Variants in IVD observed in about 807,000 individuals in gnomAD.
IVD encodes the protein isovaleryl-CoA dehydrogenase.
Under a neutral mutation model 51.3 loss-of-function variants are expected in IVD, and 31 were observed. That is an observed-to-expected ratio of 0.60 (90% CI 0.45 to 0.81). IVD has a LOEUF of 0.81. Among genes scored for constraint, IVD ranks in the 40% least tolerant of loss-of-function variants. IVD has a pLI of 0.00. For missense variants in IVD, 475 were observed against 552.0 expected (o/e 0.86, Z 1.40); for synonymous variants, 205 against 219.4 (o/e 0.93, Z 0.58).
intron 1 of IVD, among the ~76,000 whole-genome samples, chr15:40,406,680 G>C (rs751100891): frequency 6.6e-6 from 1 of 152,176 alleles, no homozygotes; most frequent in Admixed American, 6.5e-5. Context: ...AGCAGAACCA[G>C]AGTCCTTCCT....
At position 40,416,299 on chromosome 15, in the gene IVD, G is replaced by A. The variant is rs764744741; in HGVS notation, c.1075G>A (p.Gly359Ser). The change falls in exon 11 of 12, where the codon GGT becomes AGT. Residue 359 changes from glycine (G) to serine (S), a missense_variant. By Grantham distance (56) the Gly-to-Ser change is moderately conservative. Coordinates refer to ENST00000487418, the MANE Select transcript of IVD (RefSeq NM_002225.5). ...EGHCTAKDCAGVILYSAECAT... is the reference protein window; with the variant it reads ...EGHCTAKDCASVILYSAECAT... The stretch of plus-strand genomic sequence containing the variant: ...CAGCTTCCTCCCGTAGGACTGTGCA[G>A]GTGTGATTCTTTACTCAGCTGAGTG... The A allele has an allele frequency of 2.5e-6, 4 of 1,614,254 alleles. No individual in the cohort carries two copies. Among genetic ancestry groups the A allele is most frequent in the Non-Finnish European group, 3.4e-6 (4 of 1,180,048 alleles).
intron 1 of IVD, chr15:40,406,210 A>G (rs1440348885): frequency 6.6e-7 from 1 of 1,521,484 alleles, no homozygotes; most frequent in Non-Finnish European, 8.8e-7. Context: ...GTACTGCTGG[A>G]AGTAGAGAGG....
chr15:40,435,873 C>A, downstream of IVD: 2 of 195,278 alleles, frequency 1.0e-5, no homozygotes, highest in Non-Finnish European at 1.9e-5. Context: ...AGCCCCTTGC[C>A]AGGGGCAGAC....
chr15:40,414,995 G>A lies in IVD; in HGVS notation c.878+13G>A. 1 of 1,613,350 alleles carries A rather than the reference G, an allele frequency of 6.2e-7. No homozygotes were observed. The highest frequency in any genetic ancestry group is 1.3e-5 in the African/African-American group (1 of 75,064). On this transcript the variant is annotated intron_variant, in intron 8 of 11. Coordinates refer to ENST00000487418, the MANE Select transcript of IVD (RefSeq NM_002225.5). ...GGGGGCCTCTTGGGTAAGTGTGAGA[G>A]GCTTGAGGGAAGCTGGGCTCTGTCG...
chr15:40,434,791 C>T (rs903667860), intron 8 of IVD, among the ~76,000 whole-genome samples: 2 of 152,188 alleles, frequency 1.3e-5, no homozygotes, highest in Non-Finnish European at 2.9e-5. Flanking sequence ...AGAAAAGCCC[C>T]AGGGAATCTG....
Position 40,419,088 on chromosome 15 carries a change from C to G in IVD, c.*825C>G. 1 of 1,177,914 alleles carries G rather than the reference C, an allele frequency of 8.5e-7. No homozygotes were observed. The highest frequency in any genetic ancestry group is 1.1e-6 in the Non-Finnish European group (1 of 888,962). 73.0% of individuals were successfully genotyped at this position (1,177,914 alleles called of 1,614,324 possible). On this transcript the variant is annotated 3_prime_UTR_variant, in exon 12 of 12. Coordinates refer to ENST00000487418, the MANE Select transcript of IVD (RefSeq NM_002225.5). ...GAGGCGGACGTTGCAGTGAGCCGAG[C>G]TTGTGCCATTGCACTCCAGCCTGGG...
In IVD at chr15:40,433,583, T is replaced by C. The variant is rs560525190; in HGVS notation, c.720-271T>C. On this transcript the variant is annotated intron_variant, in intron 7 of 8. Transcript: ENST00000473112. The stretch of plus-strand genomic sequence containing the variant: ...CCAAGTTGATATCTGAGCGGACAAG[T>C]GTTCTGGTAACAGTAAAGGAGGTGA... Among the ~76,000 whole-genome samples, 9 of 152,252 alleles carry C rather than the reference T, an allele frequency of 5.9e-5. No individual in the cohort carries two copies. In the East Asian group the frequency reaches 1.7e-3, roughly 29 times the overall value.
intron 11 of IVD, among the ~76,000 whole-genome samples, chr15:40,417,376 T>C (rs148359169): frequency 0.11 from 17,198 of 150,928 alleles, 1,114 homozygotes; most frequent in Non-Finnish European, 0.13. Context: ...GGTGCAGTGG[T>C]GCGCGCCTGT....
chr15:40,434,585 G>A (rs1893162023), intron 8 of IVD, among the ~76,000 whole-genome samples: 1 of 152,208 alleles, frequency 6.6e-6, no homozygotes, highest in African/African-American at 2.4e-5. Flanking sequence ...GAATGTGTGA[G>A]GAGGAGACAA....
chr15:40,432,241 G>A (rs1242745427), intron 7 of IVD, among the ~76,000 whole-genome samples: 1 of 152,196 alleles, frequency 6.6e-6, no homozygotes, highest in Non-Finnish European at 1.5e-5. Flanking sequence ...ACTGCGCCTG[G>A]CCTATCATAT....
intron 3 of IVD, among the ~76,000 whole-genome samples, chr15:40,409,961 C>T (rs533568827): frequency 3.9e-5 from 6 of 152,094 alleles, no homozygotes; most frequent in Middle Eastern, 3.4e-3. Context: ...TTCAGCCTCC[C>T]GAGTAGCTGG....
At chr15:40,428,890 T>G (rs1373935311), downstream of IVD, among the ~76,000 whole-genome samples, 1 of 152,148 alleles carries the variant, frequency 6.6e-6, no homozygotes, top group Non-Finnish European at 1.5e-5. Context: ...GCCTGGGACA[T>G]CTGCAGCTGC....
chr15:40,422,079 G>C (rs531301713), downstream of IVD, among the ~76,000 whole-genome samples: 77 of 152,368 alleles, frequency 5.1e-4, no homozygotes, highest in African/African-American at 1.6e-3. Context: ...CGCAGCTCGA[G>C]TGTCGCATGG....
downstream of IVD, chr15:40,424,334 G>A: frequency 2.2e-6 from 1 of 464,374 alleles, no homozygotes; most frequent in Non-Finnish European, 3.5e-6. Context: ...AGTCCTCACT[G>A]CCATGTTTCT....
chr15:40,422,497 A>G (rs1017534089), downstream of IVD, among the ~76,000 whole-genome samples: 1 of 139,728 alleles, frequency 7.2e-6, no homozygotes, highest in Non-Finnish European at 1.5e-5. Flanking sequence ...GTTAGCCAGG[A>G]TGGTCTCGAT....
At position 40,420,247 on chromosome 15, in the gene IVD, G is replaced by C. The variant is rs969539454; in HGVS notation, c.*1984G>C. 3.0e-6 allele frequency: 3 copies of C among 987,388 alleles called. No individual in the cohort carries two copies. The allele number at this position is 987,388 out of a possible 1,614,324, so 61.2% of individuals were successfully genotyped here. On this transcript the variant is annotated 3_prime_UTR_variant, in exon 12 of 12. Coordinates refer to ENST00000487418, the MANE Select transcript of IVD (RefSeq NM_002225.5). ...GAGCCCTTGTGCACCGCCCTGCCAC[G>C]GGCACCATCCAGTCCTGGCCGTGTG...
chr15:40,420,417 C>A lies in IVD; in HGVS notation c.*2154C>A, dbSNP rs1892192875. On this transcript the variant is annotated 3_prime_UTR_variant, in exon 12 of 12. Coordinates refer to ENST00000487418, the MANE Select transcript of IVD (RefSeq NM_002225.5). ...TGTTATAACTGCACAGTGGCTGCTG[C>A]CATTTTGTATTAAATATATTGTGAA... 1.0e-6 allele frequency: 1 copy of A among 987,470 alleles called. No homozygotes were observed. The highest frequency in any genetic ancestry group is 1.7e-5 in the African/African-American group (1 of 57,324). 61.2% of individuals were successfully genotyped at this position (987,470 alleles called of 1,614,324 possible). A position where few individuals can be genotyped will look rare whatever the true frequency, so the allele number is the denominator to read the frequency against.
intron 4 of IVD, 34 bp downstream of exon 4, chr15:40,410,831 C>T: frequency 1.2e-6 from 2 of 1,610,338 alleles, no homozygotes; most frequent in Non-Finnish European, 1.7e-6. Context: ...ACGCTAATCT[C>T]ACAGTGCAAC....
chr15:40,421,354 T>C, downstream of IVD: 2 of 985,438 alleles, frequency 2.0e-6, no homozygotes, highest in Non-Finnish European at 2.4e-6. Flanking sequence ...GCACGTCTAC[T>C]TTGGTTCTTG....
Sources: allele counts gnomAD v4.1 joint callset (sites outside exome capture counted in the v4.1 genomes callset), GRCh38; gene constraint gnomAD v4.1.1; transcripts MANE v1.5; gene names NCBI Gene and HGNC (gene_info 2026-07-23, HGNC 2026-07-21).